The following PCDH10 variants were observed in gnomAD, a reference collection of about 807,000 sequenced individuals.
PCDH10 encodes the protein protocadherin 10.
Under a neutral mutation model 74.4 loss-of-function variants are expected in PCDH10, and 15 were observed. The observed-to-expected ratio is 0.20, with a 90% CI of 0.13 to 0.31. The LOEUF (loss-of-function observed/expected upper bound fraction) is 0.31. Ranked by LOEUF, PCDH10 falls within the 10% of genes least tolerant of loss-of-function variation. PCDH10 has a pLI of 1.00. For synonymous variants in PCDH10, 619 were observed against 589.8 expected (o/e 1.05, Z -0.72); for missense variants, 1,260 against 1,390.2 (o/e 0.91, Z 1.49).
chr4:133,175,360 T>C (rs1727274622), intron 4 of PCDH10, among the ~76,000 whole-genome samples: 2 of 151,930 alleles, frequency 1.3e-5, no homozygotes, highest in South Asian at 4.1e-4. Flanking sequence ...ACAAGAACAG[T>C]GTGACCTACA....
rs2125856146 is a variant in PCDH10, at chr4:133,149,512, A to T, written c.-629A>T. ...AAATACAAATAGAGCGAAAGAGGAA[A>T]AAAATGTCAAGAAGAACATCCATCC... On this transcript the variant is annotated 5_prime_UTR_variant, in exon 1 of 5. Transcript: ENST00000264360. 6.6e-6 allele frequency: 1 copy of T among 152,550 alleles called. No homozygotes were observed. The highest frequency in any genetic ancestry group is 2.1e-4 in the South Asian group (1 of 4,826). The allele number at this position is 152,550 out of a possible 1,614,324, so 9.4% of individuals were successfully genotyped here.
intron 4 of PCDH10, among the ~76,000 whole-genome samples, chr4:133,173,685 T>C (rs1410068500): frequency 6.6e-6 from 1 of 151,786 alleles, no homozygotes; most frequent in Non-Finnish European, 1.5e-5. Context: ...TTTTTATTTT[T>C]CTTTCTTTGG....
chr4:133,161,695 C>T (rs979600226), intron 3 of PCDH10, among the ~76,000 whole-genome samples: 3 of 151,538 alleles, frequency 2.0e-5, no homozygotes, highest in Non-Finnish European at 2.9e-5. Flanking sequence ...TTTTGTTTTT[C>T]AAATTGATCC....
At chr4:133,175,605 AAT>A (rs1459869644) in intron 4 of PCDH10, among the ~76,000 whole-genome samples, 1 of 152,142 alleles carries the variant, frequency 6.6e-6, no homozygotes, top group Non-Finnish European at 1.5e-5. Context: ...CCATAGGAAA[AAT>A]AAAAATACTA....
chr4:133,160,580 G>A (rs557831017), intron 3 of PCDH10, among the ~76,000 whole-genome samples: 4 of 150,270 alleles, frequency 2.7e-5, no homozygotes, highest in African/African-American at 4.9e-5. Flanking sequence ...TAAAAACTAC[G>A]TAAAAGTAAT....
At chr4:133,200,372 T>C (rs1477296896) in intron 2 of PCDH10, among the ~76,000 whole-genome samples, 2 of 150,772 alleles carry the variant, frequency 1.3e-5, no homozygotes, top group Non-Finnish European at 3.0e-5. Context: ...ATTTTTTTTC[T>C]TTTTTTTTGT....
At chr4:133,207,374 T>C (rs1728030528) in intron 2 of PCDH10, among the ~76,000 whole-genome samples, 1 of 152,190 alleles carries the variant, frequency 6.6e-6, no homozygotes, top group South Asian at 2.1e-4. Context: ...AATTACACTG[T>C]GCATGACAGA....
intron 4 of PCDH10, among the ~76,000 whole-genome samples, chr4:133,173,465 C>A (rs1727236968): frequency 6.6e-6 from 1 of 151,902 alleles, no homozygotes; most frequent in Non-Finnish European, 1.5e-5. Flanking sequence ...AAACATTTTA[C>A]CTAGAAAGCT....
At chr4:133,179,861 A>C (rs906970190) in intron 4 of PCDH10, among the ~76,000 whole-genome samples, 2 of 152,098 alleles carry the variant, frequency 1.3e-5, no homozygotes, top group African/African-American at 2.4e-5. Context: ...AAATATTCTG[A>C]ATGGAAATGA....
intron 4 of PCDH10, among the ~76,000 whole-genome samples, chr4:133,171,708 T>C (rs1727206808): frequency 2.0e-5 from 3 of 152,156 alleles, no homozygotes. Flanking sequence ...AGCTTGGCAG[T>C]TGCCAGACAT....
At chr4:133,195,804 G>A (rs1412206254), downstream of PCDH10, among the ~76,000 whole-genome samples, 2 of 151,938 alleles carry the variant, frequency 1.3e-5, no homozygotes, top group Non-Finnish European at 2.9e-5. Flanking sequence ...AAAGCAAATG[G>A]TTCTTTGTGA....
intron 4 of PCDH10, among the ~76,000 whole-genome samples, chr4:133,184,773 AATATATATATAAATAT>A (rs1277236228): frequency 2.2e-5 from 3 of 136,866 alleles, no homozygotes; most frequent in South Asian, 4.4e-4. Context: ...TAAATATATA[AATATATATATAAATAT>A]ATATATTTAT....
intron 4 of PCDH10, among the ~76,000 whole-genome samples, chr4:133,164,227 T>C (rs1727034300): frequency 6.6e-6 from 1 of 152,020 alleles, no homozygotes; most frequent in Non-Finnish European, 1.5e-5. Context: ...ACAGGAAATA[T>C]TGAGATGTCT....
At chr4:133,202,835 T>C (rs1232262905) in intron 2 of PCDH10, among the ~76,000 whole-genome samples, 1 of 152,192 alleles carries the variant, frequency 6.6e-6, no homozygotes, top group Non-Finnish European at 1.5e-5. Flanking sequence ...CCATAAAGTA[T>C]ATCAACATGT....
chr4:133,198,667 A>G (rs1418505073), downstream of PCDH10, among the ~76,000 whole-genome samples: 1 of 152,150 alleles, frequency 6.6e-6, no homozygotes, highest in Non-Finnish European at 1.5e-5. Flanking sequence ...ATAGGGGAAA[A>G]TTGGTGACAC....
rs1726718899 is a variant in PCDH10, at chr4:133,152,015, A to G, written c.1875A>G (p.Glu625=). 1 of 1,612,634 alleles carries G rather than the reference A, an allele frequency of 6.2e-7. No homozygotes were observed. The highest frequency in any genetic ancestry group is 8.5e-7 in the Non-Finnish European group (1 of 1,179,820). ...RLTYSIVRGN[E]MNLFRMDWRT... is the part of the protein sequence containing the mutation. Reference sequence around the variant, plus strand: ...CTTACAGCATCGTGCGTGGCAACGAAATGAACCTCTTTCGCATGGACTGGC... The same window carrying G: ...CTTACAGCATCGTGCGTGGCAACGAGATGAACCTCTTTCGCATGGACTGGC... The change falls in exon 1 of 5, where the codon GAA becomes GAG. Residue 625 remains glutamate (E), a synonymous_variant. Coordinates refer to ENST00000264360, the MANE Select transcript of PCDH10 (RefSeq NM_032961.3).
In PCDH10 at chr4:133,204,100, T is replaced by C. The variant is rs575213342; in HGVS notation, n.438-3976T>C. On this transcript the variant is annotated intron_variant and non_coding_transcript_variant, in intron 2 of 2. Transcript: ENST00000511112. ...TGCCTTGACCATGGGCTGCCATAGATGTTTACCTTTATACCCCTGGGAGTC... is the reference window on the plus strand; with the variant it reads ...TGCCTTGACCATGGGCTGCCATAGACGTTTACCTTTATACCCCTGGGAGTC... Among the ~76,000 whole-genome samples the C allele has an allele frequency of 2.0e-5, 3 of 152,292 alleles. No individual in the cohort carries two copies. The South Asian group carries it at 6.2e-4, about 32-fold the overall frequency.
chr4:133,151,202 C>A lies in PCDH10; in HGVS notation c.1062C>A (p.Asn354Lys), dbSNP rs1449797802. 1 of 1,614,054 alleles carries A rather than the reference C, an allele frequency of 6.2e-7. No homozygotes were observed. The highest frequency in any genetic ancestry group is 8.5e-7 in the Non-Finnish European group (1 of 1,180,054). Residue 354 changes from asparagine (N) to lysine (K), a missense_variant, in exon 1 of 5, where the codon AAC becomes AAA. Coordinates refer to ENST00000264360, the MANE Select transcript of PCDH10 (RefSeq NM_032961.3). ...VLVRVLDAND[N>K]APEISFSTVK... Reference sequence around the variant, plus strand: ...TGCGAGTACTGGATGCTAATGACAACGCGCCAGAGATCAGCTTCAGCACCG... The same window carrying A: ...TGCGAGTACTGGATGCTAATGACAAAGCGCCAGAGATCAGCTTCAGCACCG...
chr4:133,152,969 T>C, intron 1 of PCDH10, 198 bp downstream of exon 1: 1 of 1,448,316 alleles, frequency 6.9e-7, no homozygotes, highest in South Asian at 1.5e-5. Flanking sequence ...TTCCACCCTT[T>C]CACATTTATT....
Sources: gnomAD v4.1 joint callset for allele counts (sites outside exome capture counted in the v4.1 genomes callset) on GRCh38, gnomAD v4.1.1 for gene constraint, MANE v1.5 for transcripts, NCBI Gene and HGNC (gene_info 2026-07-23, HGNC 2026-07-21) for gene names.